UGT1A10: variants seen among roughly 807,000 people sequenced by gnomAD.
UGT1A10 encodes the protein UDP glucuronosyltransferase family 1 member A10.
A neutral mutation model predicts 45.8 loss-of-function variants in UGT1A10; 49 were observed. That is an observed-to-expected ratio of 1.07 (90% CI 0.85 to 1.36). The LOEUF is 1.36. Ranked by LOEUF, UGT1A10 falls within the 40% of genes most tolerant of loss-of-function variation. UGT1A10 has a pLI of 0.00. For missense variants in UGT1A10, 745 were observed against 668.6 expected (o/e 1.11, Z -1.26); for synonymous variants, 284 against 249.7 (o/e 1.14, Z -1.29).
chr2:233,700,334 C>A (rs541076266), intron 1 of UGT1A10, among the ~76,000 whole-genome samples: 14 of 152,332 alleles, frequency 9.2e-5, no homozygotes, highest in Non-Finnish European at 1.5e-4. Context: ...GCCTCTCTTT[C>A]AAAACCCTGT....
intron 1 of UGT1A10, among the ~76,000 whole-genome samples, chr2:233,660,011 A>G (rs1253866641): frequency 6.6e-6 from 1 of 152,214 alleles, no homozygotes; most frequent in Non-Finnish European, 1.5e-5. Flanking sequence ...CTCTGTCTTC[A>G]AACTCTTTAT....
Position 233,713,802 on chromosome 2 carries a change from C to G in UGT1A10, c.856-53232C>G, listed in dbSNP as rs746544410. The G allele has an allele frequency of 1.9e-5, 30 of 1,613,976 alleles. No individual in the cohort carries two copies. In the Middle Eastern group the frequency reaches 1.2e-3, roughly 62 times the overall value. On this transcript the variant is annotated intron_variant, in intron 1 of 4. Transcript: ENST00000344644. ...GATGGATTACCCCAGGCCGATCATG[C>G]CCAACATGGTCTTCATTGGGGGCAT...
chr2:233,766,838 C>T (rs906628829), intron 1 of UGT1A10, among the ~76,000 whole-genome samples, 196 bp from the exon 2 acceptor site: 1 of 152,156 alleles, frequency 6.6e-6, no homozygotes, highest in Non-Finnish European at 1.5e-5. Flanking sequence ...TAAGCAGGAA[C>T]CCTTCCTCCT....
intron 1 of UGT1A10, chr2:233,743,865 C>T (rs988813505): frequency 2.0e-5 from 27 of 1,367,074 alleles, no homozygotes; most frequent in Non-Finnish European, 2.5e-5. Flanking sequence ...TTCTTGATGG[C>T]CTCGGATGAG....
At chr2:233,755,038 C>T (rs751084795) in intron 1 of UGT1A10, 123 of 1,320,106 alleles carry the variant, frequency 9.3e-5, no homozygotes, top group Admixed American at 3.2e-4. Flanking sequence ...CTGCCGCCTG[C>T]GCAGCCGCCC....
intron 1 of UGT1A10, among the ~76,000 whole-genome samples, chr2:233,644,655 C>G (rs2073551884): frequency 6.6e-6 from 1 of 152,192 alleles, no homozygotes; most frequent in Non-Finnish European, 1.5e-5. Flanking sequence ...TCTGCTCTAA[C>G]AGAATAGCAC....
Position 233,636,634 on chromosome 2 carries a change from T to C in UGT1A10, c.112T>C (p.Trp38Arg), listed in dbSNP as rs776451483. The C allele has an allele frequency of 1.2e-6, 2 of 1,614,152 alleles. No homozygotes were observed. The highest frequency in any genetic ancestry group is 8.5e-7 in the Non-Finnish European group (1 of 1,180,022). Residue 38 changes from tryptophan to arginine, a missense_variant, in exon 1 of 5, where the codon TGG becomes CGG. By Grantham distance (101) the Trp-to-Arg change is moderately radical. Coordinates refer to ENST00000344644, the MANE Select transcript of UGT1A10 (RefSeq NM_019075.4). ...GGTAGTGCCCATGGATGGGAGTCAC[T>C]GGTTCACCATGCAGTCGGTGGTGGA... ...LLVVPMDGSHWFTMQSVVEKL... is the reference protein window; with the variant it reads ...LLVVPMDGSHRFTMQSVVEKL...
intron 1 of UGT1A10, among the ~76,000 whole-genome samples, chr2:233,728,655 C>T (rs928027852): frequency 5.3e-5 from 8 of 152,140 alleles, no homozygotes; most frequent in East Asian, 1.9e-4. Flanking sequence ...TTTTTGGATG[C>T]GCTGCGTTAC....
intron 1 of UGT1A10, among the ~76,000 whole-genome samples, chr2:233,727,472 C>T (rs1025234112): frequency 7.2e-5 from 11 of 152,134 alleles, no homozygotes; most frequent in African/African-American, 2.4e-4. Flanking sequence ...CTAAATAAAA[C>T]ACTACTACTT....
At chr2:233,719,672 G>T (rs777502728) in intron 1 of UGT1A10, 75 of 1,613,516 alleles carry the variant, frequency 4.6e-5, no homozygotes, top group Non-Finnish European at 6.0e-5. Flanking sequence ...GTGCCAACGG[G>T]AAGCCACTAT....
chr2:233,709,621 T>A (rs1424178540), intron 1 of UGT1A10, among the ~76,000 whole-genome samples: 1 of 152,210 alleles, frequency 6.6e-6, no homozygotes, highest in Non-Finnish European at 1.5e-5. Context: ...TATAGGTGTT[T>A]TGCTGTGAGT....
chr2:233,688,461 T>C (rs1202418900), intron 1 of UGT1A10, among the ~76,000 whole-genome samples: 1 of 152,198 alleles, frequency 6.6e-6, no homozygotes, highest in Non-Finnish European at 1.5e-5. Context: ...ACAGGAAACT[T>C]CTTGGGAAAT....
intron 1 of UGT1A10, chr2:233,691,596 G>A: frequency 1.0e-6 from 1 of 985,720 alleles, no homozygotes; most frequent in African/African-American, 1.7e-5. Flanking sequence ...TTTCTACACA[G>A]GTCTTGCTCT....
At chr2:233,723,300 C>G (rs2077076246) in intron 1 of UGT1A10, among the ~76,000 whole-genome samples, 1 of 117,154 alleles carries the variant, frequency 8.5e-6, no homozygotes, top group South Asian at 3.3e-4. Flanking sequence ...ACCTCTGCCT[C>G]CCAGGTTCAA....
chr2:233,636,790 T>G lies in UGT1A10; in HGVS notation c.268T>G (p.Phe90Val). ...CACTCTGGAAGATCAGAACCGGGAATTCATGGTTTTCGCCCATGCTCAATG... is the reference window on the plus strand; with the variant it reads ...CACTCTGGAAGATCAGAACCGGGAAGTCATGGTTTTCGCCCATGCTCAATG... ...SYTLEDQNRE[F>V]MVFAHAQWKA... The change falls in exon 1 of 5, where the codon TTC becomes GTC. Residue 90 changes from phenylalanine to valine, a missense_variant. Coordinates refer to ENST00000344644, the MANE Select transcript of UGT1A10 (RefSeq NM_019075.4). 1 of 1,614,204 alleles carries G rather than the reference T, an allele frequency of 6.2e-7. No individual in the cohort carries two copies.
At chr2:233,713,154 G>A in intron 1 of UGT1A10, 1 of 1,614,234 alleles carries the variant, frequency 6.2e-7, no homozygotes, top group Non-Finnish European at 8.5e-7. Flanking sequence ...CCATGCGAGA[G>A]GCCACCAGGT....
At chr2:233,644,989 T>C (rs1447621872) in intron 1 of UGT1A10, among the ~76,000 whole-genome samples, 1 of 152,146 alleles carries the variant, frequency 6.6e-6, no homozygotes, top group African/African-American at 2.4e-5. Flanking sequence ...TGACCCCTGA[T>C]TGAGAAGCTG....
At chr2:233,767,234 C>T in intron 2 of UGT1A10, 69 bp downstream of exon 2, 1 of 1,609,592 alleles carries the variant, frequency 6.2e-7, no homozygotes, top group Middle Eastern at 1.7e-4. Context: ...CTTCCAGCTT[C>T]CAGATTAATT....
At chr2:233,719,159 T>A (rs28898610) in intron 1 of UGT1A10, 4 of 1,614,122 alleles carry the variant, frequency 2.5e-6, no homozygotes, top group Non-Finnish European at 3.4e-6. Context: ...ATTCTAGAAG[T>A]ATGGCAATTA....
Sources: gnomAD v4.1 joint callset for allele counts (sites outside exome capture counted in the v4.1 genomes callset) on GRCh38, gnomAD v4.1.1 for gene constraint, MANE v1.5 for transcripts, NCBI Gene and HGNC (gene_info 2026-07-23, HGNC 2026-07-21) for gene names.